PPFIBP1: variants seen among roughly 807,000 people sequenced by gnomAD.
The protein encoded by PPFIBP1 is liprin-beta-1.
A neutral mutation model predicts 137.8 loss-of-function variants in PPFIBP1; 112 were observed. The observed-to-expected ratio is 0.81, with a 90% CI of 0.70 to 0.95. The LOEUF (loss-of-function observed/expected upper bound fraction) is 0.95. Ranked by LOEUF, PPFIBP1 falls within the 40% of genes least tolerant of loss-of-function variation. The pLI is 0.00. For missense variants in PPFIBP1, 1,083 were observed against 1,196.6 expected, an observed-to-expected ratio of 0.91 and a Z score of 1.40; for synonymous variants, 378 against 417.3, an observed-to-expected ratio of 0.91 and a Z score of 1.15.
chr12:27,559,369 A>G, intron 1 of PPFIBP1, among the ~76,000 whole-genome samples: 1 of 151,980 alleles, frequency 6.6e-6, no homozygotes, highest in East Asian at 1.9e-4. Flanking sequence ...GGGTTTCACC[A>G]TGTTGGTCAG....
chr12:27,595,852 T>A (rs1592719641), intron 2 of PPFIBP1, among the ~76,000 whole-genome samples: 1 of 126,606 alleles, frequency 7.9e-6, no homozygotes, highest in African/African-American at 3.4e-5. Flanking sequence ...GACACTCTGA[T>A]CAACAACAAC....
chr12:27,613,479 G>C (rs891455486), intron 2 of PPFIBP1, among the ~76,000 whole-genome samples: 3 of 152,166 alleles, frequency 2.0e-5, no homozygotes, highest in African/African-American at 7.2e-5. Flanking sequence ...CAAGGCAGTG[G>C]ATCACCTGAG....
chr12:27,679,796 A>C, intron 20 of PPFIBP1, 137 bp from the exon 21 acceptor site: 1 of 1,371,698 alleles, frequency 7.3e-7, no homozygotes, highest in Non-Finnish European at 9.9e-7. Flanking sequence ...GGTCTTAGTT[A>C]AAGTTTAAAT....
intron 2 of PPFIBP1, among the ~76,000 whole-genome samples, chr12:27,589,347 C>T (rs538743409): frequency 6.6e-5 from 10 of 152,244 alleles, no homozygotes; most frequent in African/African-American, 1.7e-4. Context: ...CCTCTTGAGC[C>T]GTGAATTTTC....
intron 19 of PPFIBP1, among the ~76,000 whole-genome samples, chr12:27,678,295 T>G (rs2060648392): frequency 6.6e-6 from 1 of 152,164 alleles, no homozygotes; most frequent in Admixed American, 6.5e-5. Context: ...GATCTGAGAG[T>G]GGCAACTGTG....
Position 27,671,474 on chromosome 12 carries a change from C to T in PPFIBP1, c.1190C>T (p.Pro397Leu), listed in dbSNP as rs1170667960. ...CAAGTTTCCATCCCTTCATTATTGCCAGCAACTGTAAGCATGGAAACTTCT... is the reference window on the plus strand; with the variant it reads ...CAAGTTTCCATCCCTTCATTATTGCTAGCAACTGTAAGCATGGAAACTTCT... ...ILQVSIPSLL[P>L]ATVSMETSEK... Residue 397 changes from proline to leucine, a missense_variant, in exon 14 of 30, where the codon CCA becomes CTA. By Grantham distance (98) the Pro-to-Leu change is moderately conservative. Transcript: ENST00000228425. 1.2e-6 allele frequency: 2 copies of T among 1,601,220 alleles called. No homozygotes were observed. The highest frequency in any genetic ancestry group is 1.1e-5 in the South Asian group (1 of 88,688).
chr12:27,595,520 G>C (rs2053107705), intron 2 of PPFIBP1, among the ~76,000 whole-genome samples: 1 of 152,070 alleles, frequency 6.6e-6, no homozygotes, highest in African/African-American at 2.4e-5. Flanking sequence ...GGAAAAACGG[G>C]GATAGAAAGC....
intron 2 of PPFIBP1, among the ~76,000 whole-genome samples, chr12:27,590,240 A>G (rs1335906889): frequency 6.6e-6 from 1 of 151,964 alleles, no homozygotes; most frequent in Non-Finnish European, 1.5e-5. Context: ...CAGTGGTGCC[A>G]TCTCTTCTCA....
intron 1 of PPFIBP1, among the ~76,000 whole-genome samples, chr12:27,560,182 T>C (rs1257055927): frequency 6.6e-6 from 1 of 152,234 alleles, no homozygotes; most frequent in Non-Finnish European, 1.5e-5. Context: ...TGTTCCCAGA[T>C]AGCAGTCAGT....
At chr12:27,659,966 A>G (rs550677565) in intron 10 of PPFIBP1, among the ~76,000 whole-genome samples, 1 of 151,906 alleles carries the variant, frequency 6.6e-6, no homozygotes, top group Non-Finnish European at 1.5e-5. Flanking sequence ...TATCTTCAGT[A>G]ATTTTTTTTT....
intron 2 of PPFIBP1, among the ~76,000 whole-genome samples, chr12:27,619,077 A>C (rs1372314916): frequency 1.3e-5 from 2 of 152,174 alleles, no homozygotes; most frequent in Admixed American, 6.5e-5. Context: ...ATGATGCGGT[A>C]ATCTTCCTTG....
chr12:27,670,322 CAA>C (rs1266453882), intron 13 of PPFIBP1, among the ~76,000 whole-genome samples: 8 of 152,204 alleles, frequency 5.3e-5, no homozygotes, highest in Admixed American at 5.2e-4. Context: ...TATCATTAAG[CAA>C]AGTGTTTTAA....
chr12:27,547,793 G>C (rs933147714), intron 1 of PPFIBP1: 1 of 152,228 alleles, frequency 6.6e-6, no homozygotes, highest in African/African-American at 2.4e-5. Context: ...CCCTTCTGGG[G>C]GTATCACTTT....
At chr12:27,646,546 A>T (rs1421096680) in intron 5 of PPFIBP1, among the ~76,000 whole-genome samples, 1 of 151,714 alleles carries the variant, frequency 6.6e-6, no homozygotes, top group Non-Finnish European at 1.5e-5. Flanking sequence ...GCTTCACTGG[A>T]TCTGATTTTT....
At chr12:27,656,471 G>A (rs1343508248) in intron 8 of PPFIBP1, 145 bp from the exon 9 acceptor site, 5 of 628,648 alleles carry the variant, frequency 8.0e-6, no homozygotes, top group Non-Finnish European at 1.4e-5. Context: ...CATTGCCCTT[G>A]TCTGATTTCT....
intron 2 of PPFIBP1, among the ~76,000 whole-genome samples, chr12:27,581,262 G>A (rs1464258528): frequency 6.6e-6 from 1 of 152,198 alleles, no homozygotes; most frequent in African/African-American, 2.4e-5. Flanking sequence ...AAGAGTGTAA[G>A]CAACACCCTA....
chr12:27,692,564 TG>T, intron 28 of PPFIBP1, 26 bp from the exon 29 acceptor site: 1 of 1,607,740 alleles, frequency 6.2e-7, no homozygotes, highest in Non-Finnish European at 8.5e-7. Context: ...AAAACACTTA[TG>T]TCATGTTATG....
chr12:27,580,458 G>A (rs1318197914), intron 2 of PPFIBP1, among the ~76,000 whole-genome samples: 3 of 152,080 alleles, frequency 2.0e-5, no homozygotes, highest in Admixed American at 6.6e-5. Context: ...TAAAATCTCC[G>A]CCTCTAAGAT....
intron 2 of PPFIBP1, among the ~76,000 whole-genome samples, chr12:27,615,291 C>T (rs2055621439): frequency 6.6e-6 from 1 of 152,174 alleles, no homozygotes; most frequent in African/African-American, 2.4e-5. Context: ...AAATGGCACT[C>T]CAACTTTGTG....
Sources: allele counts gnomAD v4.1 joint callset (sites outside exome capture counted in the v4.1 genomes callset), GRCh38; gene constraint gnomAD v4.1.1; transcripts MANE v1.5; gene names NCBI Gene and HGNC (gene_info 2026-07-23, HGNC 2026-07-21).